NRG1: variants seen among roughly 807,000 people sequenced by gnomAD.
NRG1 encodes the protein pro-neuregulin-1, membrane-bound isoform.
Under a neutral mutation model 63.8 loss-of-function variants are expected in NRG1, and 18 were observed. The observed-to-expected ratio is 0.28, with a 90% CI of 0.19 to 0.42. NRG1 has a LOEUF of 0.42. NRG1 is among the 10% of genes least tolerant of loss of function. The pLI, the probability that NRG1 is intolerant of heterozygous loss-of-function variation, is 1.00. For synonymous variants in NRG1, 302 were observed against 301.3 expected, an observed-to-expected ratio of 1.00 and a Z score of -0.02; for missense variants, 762 against 814.7, an observed-to-expected ratio of 0.94 and a Z score of 0.79.
At chr8:31,801,262 G>GA (rs1385385324) in intron 1 of NRG1, among the ~76,000 whole-genome samples, 4 of 152,104 alleles carry the variant, frequency 2.6e-5, no homozygotes, top group Admixed American at 6.5e-5. Context: ...AATTATTTTA[G>GA]AAAAAACAGC....
chr8:32,091,284 A>AT (rs988765450), intron 1 of NRG1, among the ~76,000 whole-genome samples: 1 of 151,912 alleles, frequency 6.6e-6, no homozygotes, highest in Admixed American at 6.6e-5. Context: ...TCTCAAAAAA[A>AT]AAAAAAAAGA....
At chr8:32,197,162 A>T (rs1208005385) in intron 1 of NRG1, among the ~76,000 whole-genome samples, 2 of 151,730 alleles carry the variant, frequency 1.3e-5, no homozygotes, top group Non-Finnish European at 2.9e-5. Context: ...GGATTTCGCC[A>T]TAATGGCCAG....
chr8:31,841,939 T>G (rs1353771080), intron 1 of NRG1, among the ~76,000 whole-genome samples: 1 of 152,180 alleles, frequency 6.6e-6, no homozygotes, highest in African/African-American at 2.4e-5. Flanking sequence ...TGCAGAAGCT[T>G]CTCTGGGAGC....
chr8:31,966,451 T>C (rs1480279214), intron 1 of NRG1, among the ~76,000 whole-genome samples: 3 of 152,226 alleles, frequency 2.0e-5, no homozygotes, highest in Non-Finnish European at 2.9e-5. Flanking sequence ...AGACATTTGA[T>C]AGTTAGCCAA....
Position 32,015,850 on chromosome 8 carries a change from G to GT in NRG1, c.37+376422dup, listed in dbSNP as rs752417195. 4.3e-3 allele frequency among the ~76,000 whole-genome samples: 596 copies of GT among 137,882 alleles called. 4 individuals are homozygous for GT. The highest frequency in any genetic ancestry group is 0.022 in the East Asian group (109 of 4,934). The allele number at this position is 137,882 out of a possible 152,430, so 90.5% of individuals were successfully genotyped here. ...TTCCTCAACGTAGAAGTTTTCTCTTGTTTGTTTTTTTTTTTATTCTGAGTT... is the reference window on the plus strand; with the variant it reads ...TTCCTCAACGTAGAAGTTTTCTCTTGTTTTGTTTTTTTTTTTATTCTGAGTT... On this transcript the variant is annotated intron_variant, in intron 1 of 10. Coordinates refer to the NRG1 transcript ENST00000519301.
At chr8:31,821,659 C>A (rs576299205) in intron 1 of NRG1, among the ~76,000 whole-genome samples, 1 of 151,918 alleles carries the variant, frequency 6.6e-6, no homozygotes, top group Non-Finnish European at 1.5e-5. Context: ...CCTCTACTTA[C>A]AGGAAATGCA....
downstream of NRG1, among the ~76,000 whole-genome samples, chr8:32,770,189 A>G (rs1211129701): frequency 1.3e-5 from 2 of 152,204 alleles, no homozygotes; most frequent in Non-Finnish European, 2.9e-5. Context: ...TGGCTTATGT[A>G]TAGATTTGCT....
At chr8:32,462,908 C>T (rs529064197) in intron 1 of NRG1, among the ~76,000 whole-genome samples, 1 of 151,878 alleles carries the variant, frequency 6.6e-6, no homozygotes, top group African/African-American at 2.4e-5. Context: ...CTGGCCTAGA[C>T]ATACAGATTC....
At chr8:32,626,357 GTT>G (rs145290390) in intron 5 of NRG1, among the ~76,000 whole-genome samples, 1 of 142,068 alleles carries the variant, frequency 7.0e-6, no homozygotes, top group Non-Finnish European at 1.5e-5. Context: ...TTCAAATTAA[GTT>G]TTTTTTTTTT....
At chr8:32,753,406 C>G (rs1028794654) in intron 7 of NRG1, among the ~76,000 whole-genome samples, 3 of 152,192 alleles carry the variant, frequency 2.0e-5, no homozygotes, top group Non-Finnish European at 4.4e-5. Flanking sequence ...AGAGACTGAT[C>G]GCATTTTGGG....
At chr8:32,448,483 T>A (rs1334868920) in intron 1 of NRG1, among the ~76,000 whole-genome samples, 1 of 152,222 alleles carries the variant, frequency 6.6e-6, no homozygotes, top group African/African-American at 2.4e-5. Context: ...GGATTGGAAT[T>A]ACTCTTTTAG....
At chr8:31,876,243 G>A (rs1473438) in intron 1 of NRG1, among the ~76,000 whole-genome samples, 101,083 of 151,980 alleles carry the variant, frequency 0.67, 33,988 homozygotes, top group East Asian at 0.92. Context: ...CTGACCAGCT[G>A]TCTAAGCTTG....
chr8:31,786,937 C>T (rs1173074084), intron 1 of NRG1, among the ~76,000 whole-genome samples: 3 of 152,078 alleles, frequency 2.0e-5, no homozygotes, highest in Non-Finnish European at 2.9e-5. Flanking sequence ...ACTTAACTTT[C>T]AGCCTCTCTC....
intron 1 of NRG1, among the ~76,000 whole-genome samples, chr8:32,067,463 T>A (rs1452370617): frequency 6.6e-6 from 1 of 152,224 alleles, no homozygotes. Flanking sequence ...GTTTTTGTCT[T>A]TGGTTCTGTT....
intron 1 of NRG1, among the ~76,000 whole-genome samples, chr8:32,076,247 G>T (rs553270470): frequency 6.6e-6 from 1 of 152,260 alleles, no homozygotes; most frequent in South Asian, 2.1e-4. Context: ...TGAACTGTTA[G>T]TAACACTGAT....
At chr8:32,098,113 A>G (rs1830114634) in intron 1 of NRG1, among the ~76,000 whole-genome samples, 1 of 145,892 alleles carries the variant, frequency 6.9e-6, no homozygotes, top group Non-Finnish European at 1.5e-5. Flanking sequence ...AGAAAAAGCA[A>G]TCAGTACGGT....
chr8:32,286,357 G>C (rs1468745318), intron 1 of NRG1, among the ~76,000 whole-genome samples: 1 of 152,184 alleles, frequency 6.6e-6, no homozygotes, highest in African/African-American at 2.4e-5. Context: ...CAAGGTAGGT[G>C]GGGGCTGATG....
At chr8:32,442,762 G>A (rs1819712893) in intron 1 of NRG1, 1 of 152,080 alleles carries the variant, frequency 6.6e-6, no homozygotes, top group African/African-American at 2.4e-5. Context: ...AGCTTCCATT[G>A]AATCAACTGT....
intron 1 of NRG1, among the ~76,000 whole-genome samples, chr8:31,781,227 AT>A (rs1819652307): frequency 6.6e-6 from 1 of 152,172 alleles, no homozygotes; most frequent in African/African-American, 2.4e-5. Flanking sequence ...CATTAATTTG[AT>A]TGAAGCCTTT....
Sources: allele counts gnomAD v4.1 joint callset (sites outside exome capture counted in the v4.1 genomes callset), GRCh38; gene constraint gnomAD v4.1.1; transcripts MANE v1.5; gene names NCBI Gene and HGNC (gene_info 2026-07-23, HGNC 2026-07-21).